The following ANKS1B variants were observed in gnomAD, a reference collection of about 807,000 sequenced individuals.
ANKS1B encodes the protein ankyrin repeat and sterile alpha motif domain-containing protein 1B.
In ANKS1B, 36 loss-of-function variants were observed where a neutral mutation model predicts 148.3. That is an observed-to-expected ratio of 0.24 (90% CI 0.19 to 0.32). The LOEUF (loss-of-function observed/expected upper bound fraction) is 0.32. Ranked by LOEUF, ANKS1B falls within the 10% of genes least tolerant of loss-of-function variation. ANKS1B has a pLI of 1.00. For synonymous variants in ANKS1B, 542 were observed against 560.8 expected, an observed-to-expected ratio of 0.97 and a Z score of 0.47; for missense variants, 1,157 against 1,542.6, an observed-to-expected ratio of 0.75 and a Z score of 4.19.
At chr12:99,746,500 TGTTAC>T (rs2060606981) in intron 8 of ANKS1B, among the ~76,000 whole-genome samples, 1 of 152,222 alleles carries the variant, frequency 6.6e-6, no homozygotes, top group Non-Finnish European at 1.5e-5. Flanking sequence ...GTTCCTGTTA[TGTTAC>T]ATTACCCTGA....
chr12:99,109,402 T>C (rs1042361057), intron 15 of ANKS1B, among the ~76,000 whole-genome samples: 1 of 152,164 alleles, frequency 6.6e-6, no homozygotes, highest in African/African-American at 2.4e-5. Context: ...CAGCAGAGTA[T>C]GGCAGAACAG....
intron 8 of ANKS1B, among the ~76,000 whole-genome samples, chr12:99,726,614 G>A (rs921777465): frequency 1.3e-5 from 2 of 152,072 alleles, no homozygotes; most frequent in Non-Finnish European, 2.9e-5. Context: ...GTGAAAAGCA[G>A]GTACTCTTCC....
intron 10 of ANKS1B, among the ~76,000 whole-genome samples, chr12:99,478,323 C>G (rs796888163): frequency 6.6e-6 from 1 of 152,018 alleles, no homozygotes; most frequent in African/African-American, 2.4e-5. Flanking sequence ...TTTCTTTCAC[C>G]TTTAATTTCC....
chr12:99,685,073 A>G (rs758564497), intron 8 of ANKS1B, among the ~76,000 whole-genome samples: 16 of 152,114 alleles, frequency 1.1e-4, no homozygotes, highest in Non-Finnish European at 2.1e-4. Flanking sequence ...AGAGATAAAT[A>G]GATAAGACTC....
intron 17 of ANKS1B, among the ~76,000 whole-genome samples, chr12:99,034,539 C>T (rs1333222287): frequency 6.6e-6 from 1 of 152,122 alleles, no homozygotes; most frequent in Non-Finnish European, 1.5e-5. Flanking sequence ...TGGTCTCAAA[C>T]TCATGGACTC....
rs150724599 is a variant in ANKS1B at position 99,598,934 on chromosome 12, G to A, written c.1272+56133C>T. Reference sequence around the variant, plus strand: ...AAAATCAAGGTGTTGGGTGGGCCACGCTCCCTCCAGAGGCTCTAGGGGAAA... The same window carrying A: ...AAAATCAAGGTGTTGGGTGGGCCACACTCCCTCCAGAGGCTCTAGGGGAAA... On this transcript the variant is annotated intron_variant, in intron 9 of 26. Transcript: ENST00000683438. 2.0e-3 allele frequency among the ~76,000 whole-genome samples: 304 copies of A among 152,122 alleles called. 2 individuals carry two copies. The highest frequency in any genetic ancestry group is 7.1e-3 in the African/African-American group (295 of 41,512).
At chr12:99,978,758 C>T (rs1255417223) in intron 1 of ANKS1B, among the ~76,000 whole-genome samples, 2 of 152,144 alleles carry the variant, frequency 1.3e-5, no homozygotes, top group South Asian at 2.1e-4. Context: ...AAATTATAAG[C>T]TCTCTGGTTT....
intron 17 of ANKS1B, among the ~76,000 whole-genome samples, chr12:98,944,765 C>T (rs767840965): frequency 4.6e-5 from 7 of 152,240 alleles, no homozygotes; most frequent in Admixed American, 1.3e-4. Context: ...TCTTGCTATG[C>T]GGATTTAAGA....
intron 14 of ANKS1B, among the ~76,000 whole-genome samples, chr12:99,161,815 T>A (rs1183423614): frequency 6.6e-6 from 1 of 151,942 alleles, no homozygotes; most frequent in Non-Finnish European, 1.5e-5. Context: ...ATTACTGGAG[T>A]CTAATATCTG....
intron 1 of ANKS1B, among the ~76,000 whole-genome samples, chr12:99,932,424 T>C (rs1418620375): frequency 1.3e-5 from 2 of 152,182 alleles, no homozygotes; most frequent in African/African-American, 4.8e-5. Context: ...CTCCACATCT[T>C]CTACAGCATT....
intron 11 of ANKS1B, among the ~76,000 whole-genome samples, chr12:99,421,674 C>T (rs1482167691): frequency 1.3e-5 from 2 of 152,188 alleles, no homozygotes; most frequent in African/African-American, 2.4e-5. Context: ...GAAGAGGAAA[C>T]ATCAGACTTC....
intron 16 of ANKS1B, among the ~76,000 whole-genome samples, chr12:99,079,250 A>G (rs2048859883): frequency 2.0e-5 from 3 of 152,232 alleles, no homozygotes; most frequent in Admixed American, 1.3e-4. Flanking sequence ...AATTTGGGGT[A>G]ATTTGTTCTT....
At chr12:99,655,278 A>T in intron 8 of ANKS1B, 68 bp from the exon 9 acceptor site, 1 of 1,354,716 alleles carries the variant, frequency 7.4e-7, no homozygotes, top group South Asian at 1.5e-5. Context: ...ACATCAATTA[A>T]ATTCTATAAA....
At chr12:99,860,508 A>C (rs2089878550) in intron 1 of ANKS1B, among the ~76,000 whole-genome samples, 1 of 152,244 alleles carries the variant, frequency 6.6e-6, no homozygotes, top group South Asian at 2.1e-4. Flanking sequence ...AAGAATCTTA[A>C]GTAGTTGACT....
chr12:98,873,702 C>T lies in ANKS1B; in HGVS notation c.2779-41566G>A, dbSNP rs549003065. Among the ~76,000 whole-genome samples, 26 of 152,248 alleles carry T rather than the reference C, an allele frequency of 1.7e-4. 1 individual carries two copies. Among genetic ancestry groups the T allele is most frequent in the African/African-American group, 6.0e-4 (25 of 41,548 alleles). On this transcript the variant is annotated intron_variant, in intron 17 of 26. Coordinates refer to ENST00000683438, the MANE Select transcript of ANKS1B (RefSeq NM_001352186.2). Reference sequence around the variant, plus strand: ...TAGAGCATCCAACCTAAAAACAATGCCTTCATCATGAAGTTCCAGAACCAA... The same window carrying T: ...TAGAGCATCCAACCTAAAAACAATGTCTTCATCATGAAGTTCCAGAACCAA...
intron 15 of ANKS1B, chr12:99,096,965 T>C (rs771823389): frequency 6.6e-6 from 1 of 152,224 alleles, no homozygotes; most frequent in South Asian, 2.1e-4. Context: ...CTATAGAATT[T>C]CATGTTTCTT....
chr12:99,002,487 TCTC>T (rs1345821014), intron 17 of ANKS1B, among the ~76,000 whole-genome samples: 2 of 112,518 alleles, frequency 1.8e-5, no homozygotes, highest in Non-Finnish European at 3.7e-5. Context: ...TGTACTTATC[TCTC>T]TTTTTTTTTT....
chr12:99,628,702 T>C (rs2098131735), intron 9 of ANKS1B, among the ~76,000 whole-genome samples: 1 of 152,128 alleles, frequency 6.6e-6, no homozygotes, highest in South Asian at 2.1e-4. Context: ...ACATCCAAAG[T>C]CAAGGGGTCC....
chr12:99,333,436 G>T (rs954961075), intron 12 of ANKS1B, among the ~76,000 whole-genome samples: 1 of 152,048 alleles, frequency 6.6e-6, no homozygotes, highest in East Asian at 1.9e-4. Context: ...ACATAAATCA[G>T]ATCTTTATAA....
Sources: allele counts gnomAD v4.1 joint callset (sites outside exome capture counted in the v4.1 genomes callset), GRCh38; gene constraint gnomAD v4.1.1; transcripts MANE v1.5; gene names NCBI Gene and HGNC (gene_info 2026-07-23, HGNC 2026-07-21).